Variants in FLT4 observed in about 807,000 individuals in gnomAD.
FLT4 encodes the protein vascular endothelial growth factor receptor 3.
FLT4 carries 30 observed loss-of-function variants against 163.2 expected under a neutral mutation model. That is an observed-to-expected ratio of 0.18 (90% CI 0.14 to 0.25). The LOEUF (loss-of-function observed/expected upper bound fraction) is 0.25, where lower values mean the gene tolerates loss of function less well. FLT4 is among the 10% of genes least tolerant of loss of function. The pLI, the probability that FLT4 is intolerant of heterozygous loss-of-function variation, is 1.00. For missense variants in FLT4, 1,510 were observed against 1,863.8 expected (o/e 0.81, Z 3.50); for synonymous variants, 884 against 789.5 (o/e 1.12, Z -2.01).
At chr5:180,605,045 C>T (rs116254414) in intron 29 of FLT4, among the ~76,000 whole-genome samples, 3,194 of 152,324 alleles carry the variant, frequency 0.021, 68 homozygotes, top group African/African-American at 0.052. Flanking sequence ...ACTGCATCCT[C>T]GACCTTCTGG....
chr5:180,614,500 C>T (rs1053636641), intron 23 of FLT4, among the ~76,000 whole-genome samples: 3 of 152,090 alleles, frequency 2.0e-5, no homozygotes, highest in Non-Finnish European at 4.4e-5. Flanking sequence ...TCCAGCGCAG[C>T]CTCCTGATGA....
chr5:180,608,914 C>G, intron 29 of FLT4, 54 bp downstream of exon 29: 2 of 1,476,494 alleles, frequency 1.4e-6, no homozygotes, highest in Non-Finnish European at 1.9e-6. Context: ...CCTCCCTCCT[C>G]CAGGGGAGGG....
At position 180,630,270 on chromosome 5, in the gene FLT4, C is replaced by A. The variant is rs2127837173; in HGVS notation, c.468G>T (p.Val156=). Residue 156 remains valine, a synonymous_variant, in exon 4 of 30, where the codon GTG becomes GTT. Transcript: ENST00000261937. This position sits in a 1 kb window ranked among gnomAD's most constrained non-coding sequence, Gnocchi z 6.3. The part of the protein sequence containing the change: ...LLVNRKDAMW[V]PCLVSIPGLN... ...GGCCGGGGATGGACACCAGACAGGG[C>A]ACCCACATGGCGTCCTTCCTGTTGA... The A allele has an allele frequency of 6.2e-7, 1 of 1,612,688 alleles. No homozygotes were observed. Among genetic ancestry groups the A allele is most frequent in the Non-Finnish European group, 8.5e-7 (1 of 1,179,978 alleles).
Position 180,620,428 on chromosome 5 carries a change from G to A in FLT4, c.2407-120C>T. 7.2e-7 allele frequency: 1 copy of A among 1,385,264 alleles called. No homozygotes were observed. 85.8% of individuals were successfully genotyped at this position (1,385,264 alleles called of 1,614,324 possible). A position where few individuals can be genotyped will look rare whatever the true frequency, so the allele number is the denominator to read the frequency against. ...CCTGCGGGGTTCTCAGTCAAGGAGG[G>A]GACAGAAAAAAAGACAGACAACCTC... On this transcript the variant is annotated intron_variant, in intron 16 of 29. Transcript: ENST00000261937. The surrounding 1 kb of genome is among the most constrained non-coding windows in gnomAD (Gnocchi z 4.4).
chr5:180,607,675 A>AT (rs1384590429), intron 29 of FLT4, among the ~76,000 whole-genome samples: 16 of 150,800 alleles, frequency 1.1e-4, no homozygotes, highest in Admixed American at 4.6e-4. Context: ...ATATATATAT[A>AT]AAATAAAGAA....
intron 1 of FLT4, among the ~76,000 whole-genome samples, chr5:180,645,135 G>C (rs376987517): frequency 2.6e-5 from 4 of 152,200 alleles, no homozygotes; most frequent in East Asian, 3.8e-4. Context: ...GGGTGAGTTG[G>C]GGGGGGCCCT....
rs57822329 is a variant in FLT4, at chr5:180,620,739, CGT to C, written c.2300-26_2300-25del. On this transcript the variant is annotated intron_variant, in intron 15 of 29. Coordinates refer to ENST00000261937, the MANE Select transcript of FLT4 (RefSeq NM_182925.5). The surrounding 1 kb of genome is among the most constrained non-coding windows in gnomAD (Gnocchi z 4.4). ...GCCTGCGTGGGCAGAAAGGGGCCGG[CGT>C]GTGTGTGTGTGTGTGTAAGAGCGTG... 17,438 of 1,299,160 alleles carry C rather than the reference CGT, an allele frequency of 0.013. No individual in the cohort carries two copies. The highest frequency in any genetic ancestry group is 0.015 in the Non-Finnish European group (14,788 of 971,278). 80.5% of individuals were successfully genotyped at this position (1,299,160 alleles called of 1,614,324 possible). A position where few individuals can be genotyped will look rare whatever the true frequency, so the allele number is the denominator to read the frequency against.
At chr5:180,634,152 C>T (rs1764377201) in intron 1 of FLT4, among the ~76,000 whole-genome samples, 1 of 152,180 alleles carries the variant, frequency 6.6e-6, no homozygotes, top group Admixed American at 6.5e-5. Flanking sequence ...TGTTGTTTTC[C>T]TGTCTTGAAC....
At chr5:180,608,417 C>A in intron 29 of FLT4, 1 of 690,676 alleles carries the variant, frequency 1.4e-6, no homozygotes, top group Non-Finnish European at 2.6e-6. Flanking sequence ...CCATTCGGGG[C>A]CACTACCGGT....
In FLT4 at chr5:180,609,959, C is replaced by A. The variant is rs142649193; in HGVS notation, c.3753G>T (p.Arg1251Ser). Residue 1251 changes from arginine to serine, a missense_variant, in exon 28 of 30, where the codon AGG (arginine) becomes AGT (serine). Coordinates refer to ENST00000261937, the MANE Select transcript of FLT4 (RefSeq NM_182925.5). ...ARGAETRGSS[R>S]MKTFEEFPMT... ...TGGGGAATTCCTCAAATGTCTTCAT[C>A]CTGGAGGAACCACGGGTCTCAGCCC... 39 of 1,614,154 alleles carry A rather than the reference C, an allele frequency of 2.4e-5. No homozygotes were observed. The African/African-American group carries it at 4.5e-4, about 19-fold the overall frequency.
In FLT4 at chr5:180,619,741, C is replaced by T. The variant is rs772942658; in HGVS notation, c.2571G>A (p.Gly857=). Residue 857 remains glycine, a synonymous_variant, in exon 18 of 30, where the codon GGG becomes GGA. Coordinates refer to ENST00000261937, the MANE Select transcript of FLT4 (RefSeq NM_182925.5). ...LGRVLGYGAF[G]KVVEASAFGI... is the part of the protein sequence containing the mutation. The stretch of plus-strand genomic sequence containing the variant: ...CGAAAGCGGAGGCTTCCACCACCTT[C>T]CCGAAGGCGCCGTAGCCGAGCACTC... The T allele has an allele frequency of 4.3e-6, 7 of 1,612,430 alleles. No individual in the cohort carries two copies. The highest frequency in any genetic ancestry group is 5.1e-6 in the Non-Finnish European group (6 of 1,179,908).
intron 18 of FLT4, 58 bp downstream of exon 18, chr5:180,619,607 A>C (rs1762967027): frequency 7.2e-7 from 1 of 1,384,344 alleles, no homozygotes; most frequent in Admixed American, 1.7e-5. Flanking sequence ...CCACCGGCCC[A>C]CCCCGAGCTG....
chr5:180,629,151 G>A, intron 7 of FLT4, 108 bp downstream of exon 7: 1 of 1,494,002 alleles, frequency 6.7e-7, no homozygotes. Flanking sequence ...CAGCTCCTCT[G>A]CTCGTGGCCC....
At position 180,609,937 on chromosome 5, in the gene FLT4, G is replaced by A. The variant is rs780696184; in HGVS notation, c.3775C>T (p.Pro1259Ser). The A allele has an allele frequency of 6.2e-7, 1 of 1,614,192 alleles. No individual in the cohort carries two copies. Among genetic ancestry groups the A allele is most frequent in the Non-Finnish European group, 8.5e-7 (1 of 1,180,006 alleles). ...SSRMKTFEEFPMTPTTYKGSV... is the reference protein window; with the variant it reads ...SSRMKTFEEFSMTPTTYKGSV... ...CCTTTGTAGGTCGTTGGGGTCATGG[G>A]GAATTCCTCAAATGTCTTCATCCTG... The change falls in exon 28 of 30, where the codon CCC becomes TCC. Residue 1259 changes from proline to serine, a missense_variant. By Grantham distance (74) the Pro-to-Ser change is moderately conservative (BLOSUM62 -1). Around this residue, in one of 5 missense-constraint regions of FLT4, gnomAD observed 295 missense variants for 311.0 expected, o/e 0.95. Transcript: ENST00000261937.
At chr5:180,645,146 G>A (rs979710871) in intron 1 of FLT4, among the ~76,000 whole-genome samples, 1 of 152,232 alleles carries the variant, frequency 6.6e-6, no homozygotes, top group African/African-American at 2.4e-5. Flanking sequence ...GGGGGGCCCT[G>A]AAGGCTCATT....
chr5:180,632,127 A>G (rs892268327), intron 1 of FLT4, among the ~76,000 whole-genome samples: 1 of 152,098 alleles, frequency 6.6e-6, no homozygotes, highest in African/African-American at 2.4e-5. Flanking sequence ...TGTCACCTCC[A>G]CATCACGGCC....
At chr5:180,617,016 G>T (rs367783370) in intron 21 of FLT4, 22 bp from the exon 22 acceptor site, 1 of 1,589,390 alleles carries the variant, frequency 6.3e-7, no homozygotes, top group South Asian at 1.1e-5. Flanking sequence ...AGCCAGGTGG[G>T]CTCAGGAGGC....
chr5:180,625,039 C>T (rs1763491061), intron 10 of FLT4, among the ~76,000 whole-genome samples: 1 of 152,210 alleles, frequency 6.6e-6, no homozygotes, highest in Non-Finnish European at 1.5e-5. Context: ...GGGGCCGGCT[C>T]ATGCCACCCC....
At chr5:180,637,710 T>A (rs1368197956) in intron 1 of FLT4, among the ~76,000 whole-genome samples, 3 of 152,174 alleles carry the variant, frequency 2.0e-5, no homozygotes, top group Non-Finnish European at 4.4e-5. Flanking sequence ...TTTTGTATCT[T>A]TAGTAGACGG....
Sources: allele counts gnomAD v4.1 joint callset (sites outside exome capture counted in the v4.1 genomes callset), GRCh38; gene constraint gnomAD v4.1.1; regional missense constraint gnomAD v4.1.1; non-coding constraint Gnocchi (gnomAD v3.1); transcripts MANE v1.5; gene names NCBI Gene and HGNC (gene_info 2026-07-23, HGNC 2026-07-21).